RIMKLB: variants seen among roughly 807,000 people sequenced by gnomAD.
RIMKLB encodes the protein ribosomal modification protein rimK like family member B, also known as beta-citrylglutamate synthase B.
In RIMKLB, 7 loss-of-function variants were observed where a neutral mutation model predicts 32.0. The ratio of observed to expected loss-of-function variants is 0.22; its 90% CI spans 0.12 to 0.41. RIMKLB has a LOEUF of 0.41. Among genes scored for constraint, RIMKLB ranks in the 10% least tolerant of loss-of-function variants. The pLI is 1.00. For missense variants in RIMKLB, 289 were observed against 498.7 expected, an observed-to-expected ratio of 0.58 and a Z score of 4.00; for synonymous variants, 172 against 185.1, an observed-to-expected ratio of 0.93 and a Z score of 0.57.
intron 2 of RIMKLB, among the ~76,000 whole-genome samples, chr12:8,732,571 T>C (rs1946636730): frequency 6.6e-6 from 1 of 152,212 alleles, no homozygotes; most frequent in Non-Finnish European, 1.5e-5. Context: ...TGGTTCAGAA[T>C]CTTAGCATTC....
chr12:8,736,699 G>A (rs1197459997), intron 2 of RIMKLB, among the ~76,000 whole-genome samples: 4 of 151,764 alleles, frequency 2.6e-5, no homozygotes, highest in African/African-American at 9.7e-5. Context: ...TATCCAGGCT[G>A]GTCTTGAACT....
At chr12:8,721,995 C>T (rs910584124) in intron 2 of RIMKLB, among the ~76,000 whole-genome samples, 3 of 152,086 alleles carry the variant, frequency 2.0e-5, no homozygotes, top group Non-Finnish European at 4.4e-5. Flanking sequence ...CCACCCACCT[C>T]GGCCTCCCAA....
chr12:8,686,704 G>A (rs1942586878), intron 1 of RIMKLB, among the ~76,000 whole-genome samples: 1 of 151,822 alleles, frequency 6.6e-6, no homozygotes, highest in Non-Finnish European at 1.5e-5. Context: ...GGACGGTGTC[G>A]ATCTCCTGAC....
intron 5 of RIMKLB, among the ~76,000 whole-genome samples, chr12:8,760,483 G>T (rs1323681549): frequency 2.6e-4 from 39 of 152,168 alleles, no homozygotes; most frequent in Non-Finnish European, 2.9e-5. Context: ...TGGGTCAAAT[G>T]GTATTTCTAG....
Position 8,775,241 on chromosome 12 carries a change from T to C in RIMKLB, c.*1457T>C. On this transcript the variant is annotated 3_prime_UTR_variant, in exon 6 of 6. Transcript: ENST00000535829. ...ATTGGGGGTGGGTTGGATGTTTTTG[T>C]TTGGGGACTTATTTAGTAGTATTGA... The C allele has an allele frequency of 6.1e-6, 6 of 985,718 alleles. No individual in the cohort carries two copies. Among genetic ancestry groups the C allele is most frequent in the Non-Finnish European group, 7.2e-6 (6 of 829,856 alleles). 61.1% of individuals were successfully genotyped at this position (985,718 alleles called of 1,614,324 possible). A position where few individuals can be genotyped will look rare whatever the true frequency, so the allele number is the denominator to read the frequency against.
the RIMKLB span, among the ~76,000 whole-genome samples, chr12:8,675,424 G>A: frequency 6.6e-6 from 1 of 151,582 alleles, no homozygotes; most frequent in African/African-American, 2.4e-5. Context: ...GTTTTGGCCC[G>A]GCCACCTCTC....
intron 2 of RIMKLB, among the ~76,000 whole-genome samples, chr12:8,720,693 C>T (rs1945353693): frequency 6.6e-6 from 1 of 152,150 alleles, no homozygotes; most frequent in Non-Finnish European, 1.5e-5. Context: ...GTGCCTGCCA[C>T]CACGCTCAGC....
intron 5 of RIMKLB, among the ~76,000 whole-genome samples, chr12:8,765,879 A>T (rs1447249472): frequency 2.0e-5 from 3 of 152,100 alleles, no homozygotes; most frequent in Non-Finnish European, 4.4e-5. Context: ...TACATATGGC[A>T]CTTCACTCCA....
chr12:8,777,651 T>A (rs1284285378), downstream of RIMKLB: 3 of 1,289,388 alleles, frequency 2.3e-6, no homozygotes, highest in East Asian at 5.6e-5. Flanking sequence ...GAAAAAACTT[T>A]CCTTCTTCCC....
At chr12:8,756,460 A>G (rs1340158308) in intron 5 of RIMKLB, among the ~76,000 whole-genome samples, 1 of 152,174 alleles carries the variant, frequency 6.6e-6, no homozygotes, top group Non-Finnish European at 1.5e-5. Context: ...TCATTTAAAA[A>G]GGCAAGTCAA....
At chr12:8,765,228 T>C (rs1949856268) in intron 5 of RIMKLB, among the ~76,000 whole-genome samples, 1 of 152,122 alleles carries the variant, frequency 6.6e-6, no homozygotes, top group Non-Finnish European at 1.5e-5. Context: ...GTGGACATCA[T>C]TGAATAATTT....
chr12:8,732,388 A>G (rs1469628618), intron 2 of RIMKLB, among the ~76,000 whole-genome samples: 1 of 152,194 alleles, frequency 6.6e-6, no homozygotes, highest in East Asian at 1.9e-4. Flanking sequence ...CAACACATTT[A>G]GGTCCATTAA....
chr12:8,679,743 C>T (rs936286041), upstream of RIMKLB: 1 of 152,192 alleles, frequency 6.6e-6, no homozygotes, highest in Non-Finnish European at 1.5e-5. Context: ...TATTTAAAAA[C>T]CAAGAAAAAG....
rs930967230 is a variant in RIMKLB, at chr12:8,774,834, C to T, written c.*1050C>T. ...AAGCTGAAGTGATTTCGAATGCCAG[C>T]GTTATATATTTGCATTTTTCACATT... On this transcript the variant is annotated 3_prime_UTR_variant, in exon 6 of 6. Coordinates refer to ENST00000535829, the MANE Select transcript of RIMKLB (RefSeq NM_001297776.2). 64 of 985,056 alleles carry T rather than the reference C, an allele frequency of 6.5e-5. No homozygotes were observed. Among genetic ancestry groups the T allele is most frequent in the Middle Eastern group, 5.2e-4 (1 of 1,936 alleles). The allele number at this position is 985,056 out of a possible 1,614,324, so 61.0% of individuals were successfully genotyped here.
chr12:8,777,420 TATACCA>T, downstream of RIMKLB: 3 of 985,248 alleles, frequency 3.0e-6, no homozygotes, highest in South Asian at 9.4e-5. Flanking sequence ...TTATTTCCTT[TATACCA>T]ATGCCATTTT....
At chr12:8,680,649 G>A (rs1942391506), upstream of RIMKLB, among the ~76,000 whole-genome samples, 1 of 152,138 alleles carries the variant, frequency 6.6e-6, no homozygotes. Context: ...CCTCTCCGGG[G>A]GTTTGGATGG....
intron 5 of RIMKLB, among the ~76,000 whole-genome samples, chr12:8,767,245 C>G (rs1171989021): frequency 6.6e-6 from 1 of 152,228 alleles, no homozygotes; most frequent in Non-Finnish European, 1.5e-5. Context: ...CCCTTTGTCT[C>G]TCTTTCTCTT....
intron 1 of RIMKLB, among the ~76,000 whole-genome samples, chr12:8,684,449 A>G (rs932688546): frequency 6.6e-6 from 1 of 152,172 alleles, no homozygotes; most frequent in African/African-American, 2.4e-5. Context: ...TTGGGATTAC[A>G]GGCATGAGCC....
chr12:8,750,212 C>T, intron 3 of RIMKLB, 120 bp downstream of exon 3: 1 of 564,106 alleles, frequency 1.8e-6, no homozygotes, highest in Non-Finnish European at 3.2e-6. Context: ...ACACACTGGA[C>T]AGGATAATTA....
Sources: allele counts gnomAD v4.1 joint callset (sites outside exome capture counted in the v4.1 genomes callset), GRCh38; gene constraint gnomAD v4.1.1; transcripts MANE v1.5; gene names NCBI Gene and HGNC (gene_info 2026-07-23, HGNC 2026-07-21).